Variants in PTPRD observed in about 807,000 individuals in gnomAD.
PTPRD encodes receptor-type tyrosine-protein phosphatase delta.
Under a neutral mutation model 214.5 loss-of-function variants are expected in PTPRD, and 34 were observed. The observed-to-expected ratio is 0.16, with a 90% CI of 0.12 to 0.21. The LOEUF (loss-of-function observed/expected upper bound fraction) is 0.21, where lower values mean the gene tolerates loss of function less well. Among genes scored for constraint, PTPRD ranks in the 10% least tolerant of loss-of-function variants. PTPRD has a pLI of 1.00. For synonymous variants in PTPRD, 1,128 were observed against 845.7 expected, an observed-to-expected ratio of 1.33 and a Z score of -5.79; for missense variants, 2,545 against 2,398.7, an observed-to-expected ratio of 1.06 and a Z score of -1.27.
At chr9:9,217,369 C>T (rs1350208699) in intron 9 of PTPRD, among the ~76,000 whole-genome samples, 1 of 152,152 alleles carries the variant, frequency 6.6e-6, no homozygotes, top group Non-Finnish European at 1.5e-5. Flanking sequence ...AAATAAGATT[C>T]AATATTTCCC....
At chr9:10,097,083 T>C (rs1164401957) in intron 3 of PTPRD, among the ~76,000 whole-genome samples, 1 of 151,004 alleles carries the variant, frequency 6.6e-6, no homozygotes, top group African/African-American at 2.4e-5. Context: ...CTCTGTTCTG[T>C]TCCATTGATC....
chr9:9,942,255 A>G (rs559760265), intron 4 of PTPRD, among the ~76,000 whole-genome samples: 3 of 152,120 alleles, frequency 2.0e-5, no homozygotes, highest in Admixed American at 6.5e-5. Context: ...AAATTCAATG[A>G]TTTACCAATA....
At chr9:8,793,341 C>T (rs2154513341) in intron 11 of PTPRD, among the ~76,000 whole-genome samples, 1 of 152,212 alleles carries the variant, frequency 6.6e-6, no homozygotes, top group South Asian at 2.1e-4. Flanking sequence ...GTTCCTTGGT[C>T]CAAAATGGAA....
At chr9:9,956,892 C>T (rs929781145) in intron 4 of PTPRD, among the ~76,000 whole-genome samples, 5 of 152,028 alleles carry the variant, frequency 3.3e-5, no homozygotes, top group Non-Finnish European at 5.9e-5. Flanking sequence ...CAACTTTAAA[C>T]ACATATTAGA....
At chr9:10,221,273 A>G (rs897948486) in intron 3 of PTPRD, among the ~76,000 whole-genome samples, 35 of 152,060 alleles carry the variant, frequency 2.3e-4, no homozygotes, top group African/African-American at 8.2e-4. Context: ...AGATACAAAC[A>G]TATTCATGCT....
intron 12 of PTPRD, among the ~76,000 whole-genome samples, chr9:8,732,179 C>A (rs895980710): frequency 1.3e-5 from 2 of 152,164 alleles, no homozygotes; most frequent in African/African-American, 4.8e-5. Context: ...GTCTTCCTTT[C>A]TAAACTCCAC....
At chr9:9,757,645 T>C (rs1267381645) in intron 6 of PTPRD, among the ~76,000 whole-genome samples, 1 of 152,152 alleles carries the variant, frequency 6.6e-6, no homozygotes, top group East Asian at 1.9e-4. Context: ...TAGAATTTCA[T>C]AGAAAGGATG....
intron 9 of PTPRD, among the ~76,000 whole-genome samples, chr9:9,285,346 G>A (rs1010572329): frequency 1.3e-5 from 2 of 151,682 alleles, no homozygotes; most frequent in African/African-American, 4.8e-5. Flanking sequence ...AATGCTAATT[G>A]CTCTTCCTCT....
At chr9:8,582,271 T>C (rs1355619077) in intron 14 of PTPRD, among the ~76,000 whole-genome samples, 3 of 152,080 alleles carry the variant, frequency 2.0e-5, no homozygotes, top group African/African-American at 4.8e-5. Context: ...AACAGAAAAA[T>C]CCATTTCAGA....
At chr9:8,549,266 G>C (rs984491104) in intron 14 of PTPRD, among the ~76,000 whole-genome samples, 5 of 152,166 alleles carry the variant, frequency 3.3e-5, no homozygotes, top group African/African-American at 1.2e-4. Flanking sequence ...AAGGAAAAAT[G>C]GGGTAAGAGT....
At chr9:9,134,977 T>C (rs2099848669) in intron 10 of PTPRD, among the ~76,000 whole-genome samples, 1 of 152,152 alleles carries the variant, frequency 6.6e-6, no homozygotes, top group Non-Finnish European at 1.5e-5. Flanking sequence ...TAATCAATGA[T>C]TATAGGCCCT....
chr9:8,355,861 T>A (rs906888473), intron 39 of PTPRD, among the ~76,000 whole-genome samples: 1 of 152,168 alleles, frequency 6.6e-6, no homozygotes. Context: ...ATATGGCTGG[T>A]CGCTGGGCCA....
chr9:10,398,861 A>G (rs2098222267), intron 2 of PTPRD, among the ~76,000 whole-genome samples: 1 of 152,012 alleles, frequency 6.6e-6, no homozygotes, highest in Admixed American at 6.6e-5. Flanking sequence ...AAACTGAGGC[A>G]TAAAAGGAAT....
At chr9:8,482,812 G>C (rs1268037333) in intron 30 of PTPRD, among the ~76,000 whole-genome samples, 1 of 152,144 alleles carries the variant, frequency 6.6e-6, no homozygotes, top group Non-Finnish European at 1.5e-5. Context: ...ACCACTGGGT[G>C]CCTTTAGTAA....
At chr9:8,379,011 A>G (rs930676071) in intron 37 of PTPRD, among the ~76,000 whole-genome samples, 3 of 152,136 alleles carry the variant, frequency 2.0e-5, no homozygotes, top group Non-Finnish European at 4.4e-5. Flanking sequence ...AATACCAGGA[A>G]GCATTACTGT....
At chr9:9,187,363 C>G (rs1012227725) in intron 9 of PTPRD, among the ~76,000 whole-genome samples, 1 of 151,972 alleles carries the variant, frequency 6.6e-6, no homozygotes, top group Non-Finnish European at 1.5e-5. Context: ...TAAGGATAGT[C>G]CTTTGCATTA....
chr9:9,565,822 A>G (rs1049030735), intron 8 of PTPRD, among the ~76,000 whole-genome samples: 1 of 151,960 alleles, frequency 6.6e-6, no homozygotes, highest in Admixed American at 6.6e-5. Context: ...TGAAGAATTT[A>G]TATGTTAGAG....
At chr9:9,751,111 C>G (rs1183275331) in intron 6 of PTPRD, among the ~76,000 whole-genome samples, 3 of 152,092 alleles carry the variant, frequency 2.0e-5, no homozygotes, top group Admixed American at 6.6e-5. Flanking sequence ...CTCTTATCCA[C>G]ACAATAAAAC....
intron 5 of PTPRD, among the ~76,000 whole-genome samples, chr9:9,851,321 C>T (rs2060501653): frequency 1.3e-5 from 2 of 152,184 alleles, no homozygotes; most frequent in African/African-American, 2.4e-5. Context: ...GTGAACTGCT[C>T]TCGTCAGGCC....
Sources: gnomAD v4.1 joint callset for allele counts (sites outside exome capture counted in the v4.1 genomes callset) on GRCh38, gnomAD v4.1.1 for gene constraint, MANE v1.5 for transcripts, NCBI Gene and HGNC (gene_info 2026-07-23, HGNC 2026-07-21) for gene names.